SEZ6: variants seen among roughly 807,000 people sequenced by gnomAD.
SEZ6 encodes seizure related 6 homolog.
In SEZ6, 53 loss-of-function variants were observed where a neutral mutation model predicts 101.0. That is an observed-to-expected ratio of 0.52 (90% CI 0.42 to 0.66). The LOEUF is 0.66. SEZ6 is among the 30% of genes least tolerant of loss of function. The pLI, the probability that SEZ6 is intolerant of heterozygous loss-of-function variation, is 0.00. For synonymous variants in SEZ6, 488 were observed against 512.2 expected (o/e 0.95, Z 0.64); for missense variants, 1,102 against 1,289.4 (o/e 0.85, Z 2.23).
rs1011161811 is a variant in SEZ6 at position 28,960,289 on chromosome 17, C to A, written c.1576+216G>T. On this transcript the variant is annotated intron_variant, in intron 7 of 16. Transcript: ENST00000317338. ...AATTTATTCCCTTGGACCATAGGGCCTGGGTCCAGGCAGAGGTTTCCTGCA... is the reference window on the plus strand; with the variant it reads ...AATTTATTCCCTTGGACCATAGGGCATGGGTCCAGGCAGAGGTTTCCTGCA... 4 of 654,638 alleles carry A rather than the reference C, an allele frequency of 6.1e-6. No individual in the cohort carries two copies. In the African/African-American group the frequency reaches 7.3e-5, roughly 12 times the overall value. 40.6% of individuals were successfully genotyped at this position (654,638 alleles called of 1,614,324 possible).
intron 5 of SEZ6, among the ~76,000 whole-genome samples, chr17:28,961,572 C>T (rs1047906061): frequency 2.6e-5 from 4 of 152,190 alleles, no homozygotes; most frequent in African/African-American, 9.7e-5. Context: ...ATGCCATCCG[C>T]CCCGGCCTCA....
chr17:28,958,663 G>A (rs1276368863), intron 10 of SEZ6, among the ~76,000 whole-genome samples: 3 of 152,088 alleles, frequency 2.0e-5, no homozygotes, highest in Non-Finnish European at 4.4e-5. Flanking sequence ...GGTGGCATGT[G>A]CCTATAATCC....
chr17:29,000,220 AAG>A (rs1353849742), intron 1 of SEZ6, among the ~76,000 whole-genome samples: 68 of 152,306 alleles, frequency 4.5e-4, no homozygotes, highest in Middle Eastern at 3.4e-3. Context: ...GCCTGTAGTG[AAG>A]CTCTCCCCTA....
chr17:28,975,685 C>T (rs978788239), intron 3 of SEZ6, among the ~76,000 whole-genome samples: 2 of 152,214 alleles, frequency 1.3e-5, no homozygotes, highest in African/African-American at 2.4e-5. Flanking sequence ...CCAACTGACC[C>T]CCTACCCCAT....
At chr17:28,979,409 G>A (rs2041266857) in intron 3 of SEZ6, among the ~76,000 whole-genome samples, 1 of 152,234 alleles carries the variant, frequency 6.6e-6, no homozygotes, top group Non-Finnish European at 1.5e-5. Context: ...TCTCTGCTTA[G>A]CCCATAGATT....
chr17:28,961,540 G>A (rs1480975993), intron 5 of SEZ6, among the ~76,000 whole-genome samples: 1 of 152,180 alleles, frequency 6.6e-6, no homozygotes, highest in East Asian at 1.9e-4. Context: ...CACTAGATCC[G>A]GGCGGCAAAC....
chr17:28,967,146 T>C (rs548574180), intron 4 of SEZ6, among the ~76,000 whole-genome samples: 64 of 152,218 alleles, frequency 4.2e-4, no homozygotes, highest in Non-Finnish European at 7.9e-4. Context: ...CCTGAACAAA[T>C]GCCTAAGACA....
intron 1 of SEZ6, among the ~76,000 whole-genome samples, chr17:29,003,615 G>A (rs987465231): frequency 6.6e-6 from 1 of 152,218 alleles, no homozygotes; most frequent in African/African-American, 2.4e-5. Flanking sequence ...AAAGTGCCCA[G>A]GAACCCCGGG....
In SEZ6 at chr17:29,005,643, C is replaced by T. The variant is rs1394417618; in HGVS notation, c.55+172G>A. The stretch of plus-strand genomic sequence containing the variant: ...GCGGGAGCCGCGGCAGCTTCCCGCC[C>T]GCGAAGCCCGCGCCCCGCCCGGCTT... On this transcript the variant is annotated intron_variant, in intron 1 of 16. Coordinates refer to ENST00000317338, the MANE Select transcript of SEZ6 (RefSeq NM_178860.5). This position sits in a 1 kb window ranked among gnomAD's most constrained non-coding sequence, Gnocchi z 4.8. Among the ~76,000 whole-genome samples the T allele has an allele frequency of 6.6e-6, 1 of 151,130 alleles. No individual in the cohort carries two copies. The highest frequency in any genetic ancestry group is 1.5e-5 in the Non-Finnish European group (1 of 67,698).
intron 4 of SEZ6, among the ~76,000 whole-genome samples, chr17:28,965,597 C>T (rs541597688): frequency 1.3e-5 from 2 of 152,228 alleles, no homozygotes; most frequent in East Asian, 3.9e-4. Context: ...TATGATTGCA[C>T]CACTGCGCTC....
At position 29,005,751 on chromosome 17, in the gene SEZ6, C is replaced by A; in HGVS notation, c.55+64G>T. Reference sequence around the variant, plus strand: ...ATGCCCGAAGCTGGGCACCGGGTCTCCCTTCCCACCCCTGGGGCCCCGCTC... The same window carrying A: ...ATGCCCGAAGCTGGGCACCGGGTCTACCTTCCCACCCCTGGGGCCCCGCTC... On this transcript the variant is annotated intron_variant, in intron 1 of 16. Coordinates refer to ENST00000317338, the MANE Select transcript of SEZ6 (RefSeq NM_178860.5). This position sits in a 1 kb window ranked among gnomAD's most constrained non-coding sequence, Gnocchi z 4.8. The A allele has an allele frequency of 6.9e-7, 1 of 1,441,790 alleles. No individual in the cohort carries two copies. The highest frequency in any genetic ancestry group is 9.2e-7 in the Non-Finnish European group (1 of 1,088,866). The allele number at this position is 1,441,790 out of a possible 1,614,324, so 89.3% of individuals were successfully genotyped here. A position where few individuals can be genotyped will look rare whatever the true frequency, so the allele number is the denominator to read the frequency against.
intron 1 of SEZ6, among the ~76,000 whole-genome samples, chr17:28,995,659 G>C (rs746589316): frequency 1.1e-4 from 16 of 152,128 alleles, no homozygotes; most frequent in Non-Finnish European, 2.1e-4. Context: ...GATGGCCTGC[G>C]ACCAGAGGAC....
intron 4 of SEZ6, among the ~76,000 whole-genome samples, chr17:28,966,474 CTCTT>C (rs1211260443): frequency 6.6e-6 from 1 of 152,090 alleles, no homozygotes; most frequent in Non-Finnish European, 1.5e-5. Context: ...CAGAGTGAGA[CTCTT>C]TCTCAAAAAA....
chr17:28,968,380 G>A (rs2041101761), intron 4 of SEZ6, among the ~76,000 whole-genome samples: 1 of 152,246 alleles, frequency 6.6e-6, no homozygotes, highest in Admixed American at 6.5e-5. Context: ...CCCTTGCTGG[G>A]CCTCCAGCTC....
At chr17:28,997,712 C>T (rs897764231) in intron 1 of SEZ6, among the ~76,000 whole-genome samples, 2 of 152,180 alleles carry the variant, frequency 1.3e-5, no homozygotes, top group African/African-American at 2.4e-5. Flanking sequence ...CCATCCCCCC[C>T]ACCCCGATTT....
At position 28,965,473 on chromosome 17, in the gene SEZ6, C is replaced by G. The variant is rs138707863; in HGVS notation, c.1055-1326G>C. ...GGGCAACATAGTGAGGTCCCCATCT[C>G]TGTAAAAAATTTTTAAAAAATACCC... On this transcript the variant is annotated intron_variant, in intron 4 of 16. Coordinates refer to ENST00000317338, the MANE Select transcript of SEZ6 (RefSeq NM_178860.5). Among the ~76,000 whole-genome samples, 8 of 152,140 alleles carry G rather than the reference C, an allele frequency of 5.3e-5. No homozygotes were observed. The East Asian group carries it at 1.5e-3, about 29-fold the overall frequency.
intron 1 of SEZ6, among the ~76,000 whole-genome samples, chr17:29,003,246 G>A (rs2041638758): frequency 6.6e-6 from 1 of 152,224 alleles, no homozygotes; most frequent in Non-Finnish European, 1.5e-5. Context: ...CTCCACTGTG[G>A]CTGGATGGCC....
chr17:28,959,555 A>C lies in SEZ6; in HGVS notation c.1772-83T>G. Reference sequence around the variant, plus strand: ...CATCTGCCCGCAGGAGTGCCCACAAATTGCTGGGACCCCCCACCTCCTCCT... The same window carrying C: ...CATCTGCCCGCAGGAGTGCCCACAACTTGCTGGGACCCCCCACCTCCTCCT... On this transcript the variant is annotated intron_variant, in intron 8 of 16. Transcript: ENST00000317338. The surrounding 1 kb of genome is among the most constrained non-coding windows in gnomAD (Gnocchi z 4.4). 6.4e-7 allele frequency: 1 copy of C among 1,564,822 alleles called. No homozygotes were observed. Among genetic ancestry groups the C allele is most frequent in the Non-Finnish European group, 8.6e-7 (1 of 1,156,688 alleles).
In SEZ6 at chr17:28,964,050, G is replaced by C. The variant is rs371193322; in HGVS notation, c.1152C>G (p.Ala384=). The C allele has an allele frequency of 3.4e-5, 55 of 1,610,702 alleles. No individual in the cohort carries two copies. The highest frequency in any genetic ancestry group is 4.4e-5 in the Non-Finnish European group (52 of 1,178,534). Residue 384 remains alanine (A), a synonymous_variant, in exon 5 of 17, where the codon GCC becomes GCG. Transcript: ENST00000317338. ...HPGGSARFHC[A]TGYQLKGARH... ...TGGCGCCCTTCAGCTGGTAGCCAGTGGCACAATGGAAGCGGGCACTACCCC... is the reference window on the plus strand; with the variant it reads ...TGGCGCCCTTCAGCTGGTAGCCAGTCGCACAATGGAAGCGGGCACTACCCC...
Sources: allele counts gnomAD v4.1 joint callset (sites outside exome capture counted in the v4.1 genomes callset), GRCh38; gene constraint gnomAD v4.1.1; non-coding constraint Gnocchi (gnomAD v3.1); transcripts MANE v1.5; gene names NCBI Gene and HGNC (gene_info 2026-07-23, HGNC 2026-07-21).